ATRNL1: variants seen among roughly 807,000 people sequenced by gnomAD.
ATRNL1 encodes the protein attractin like 1.
ATRNL1 carries 95 observed loss-of-function variants against 182.7 expected under a neutral mutation model. The observed-to-expected ratio is 0.52, with a 90% CI of 0.44 to 0.62. The LOEUF is 0.62. ATRNL1 is among the 20% of genes least tolerant of loss of function. The pLI, the probability that ATRNL1 is intolerant of heterozygous loss-of-function variation, is 0.00. For synonymous variants in ATRNL1, 576 were observed against 568.3 expected (o/e 1.01, Z -0.19); for missense variants, 1,471 against 1,679.5 (o/e 0.88, Z 2.17).
chr10:115,561,682 T>TGTGTGTGTGG (rs1554999680), intron 26 of ATRNL1, among the ~76,000 whole-genome samples: 4 of 53,048 alleles, frequency 7.5e-5, no homozygotes, highest in Non-Finnish European at 1.6e-4. Context: ...TGTGTGTGTG[T>TGTGTGTGTGG]GTGTGTGGGT....
At chr10:115,819,571 CTTTT>C (rs1479941393) in intron 27 of ATRNL1, among the ~76,000 whole-genome samples, 1 of 152,054 alleles carries the variant, frequency 6.6e-6, no homozygotes, top group African/African-American at 2.4e-5. Flanking sequence ...AAATCCATCC[CTTTT>C]TTATTATCAT....
Position 115,292,249 on chromosome 10 carries a change from T to C in ATRNL1, c.2415+5852T>C, listed in dbSNP as rs1323223852. On this transcript the variant is annotated intron_variant, in intron 15 of 28. Coordinates refer to ENST00000355044, the MANE Select transcript of ATRNL1 (RefSeq NM_207303.4). ...ATTTATCTGGGTCCTCTCTCTTTCT[T>C]GTTTGGTCTAGCAAATGGTTTATCA... is the stretch of plus-strand genomic sequence containing the variant. Among the ~76,000 whole-genome samples the C allele has an allele frequency of 3.9e-5, 6 of 151,992 alleles. No homozygotes were observed. The South Asian group carries it at 1.0e-3, about 26-fold the overall frequency.
chr10:115,430,749 G>T (rs143878047), intron 21 of ATRNL1, among the ~76,000 whole-genome samples: 3 of 152,062 alleles, frequency 2.0e-5, no homozygotes, highest in East Asian at 3.9e-4. Flanking sequence ...AGGTATTTTT[G>T]CCCTTTATGA....
chr10:115,179,026 A>G (rs781837802), intron 8 of ATRNL1, among the ~76,000 whole-genome samples: 1 of 152,144 alleles, frequency 6.6e-6, no homozygotes, highest in Non-Finnish European at 1.5e-5. Context: ...CATATATTAA[A>G]TGCTTGATAA....
chr10:115,456,133 G>A (rs782009175), intron 21 of ATRNL1, among the ~76,000 whole-genome samples: 1 of 152,140 alleles, frequency 6.6e-6, no homozygotes. Flanking sequence ...TCCCATTACT[G>A]GGTATATAAC....
chr10:115,611,484 G>T (rs575188983), intron 26 of ATRNL1, among the ~76,000 whole-genome samples: 1 of 151,910 alleles, frequency 6.6e-6, no homozygotes, highest in Non-Finnish European at 1.5e-5. Flanking sequence ...AATTCAGTAG[G>T]TTTAGCATAA....
intron 28 of ATRNL1, among the ~76,000 whole-genome samples, chr10:115,898,508 T>C (rs1952265096): frequency 6.6e-6 from 1 of 152,174 alleles, no homozygotes; most frequent in African/African-American, 2.4e-5. Flanking sequence ...ACTGTGTGCC[T>C]GGCAGTGCTG....
chr10:115,233,790 G>A (rs1230447931), intron 9 of ATRNL1, among the ~76,000 whole-genome samples: 1 of 152,030 alleles, frequency 6.6e-6, no homozygotes, highest in Non-Finnish European at 1.5e-5. Flanking sequence ...ATAATTTAAT[G>A]TGGAATATTA....
At chr10:115,116,412 A>G (rs1844487152) in intron 1 of ATRNL1, among the ~76,000 whole-genome samples, 2 of 152,110 alleles carry the variant, frequency 1.3e-5, no homozygotes, top group African/African-American at 2.4e-5. Context: ...GCACTACACA[A>G]TTGGAATGTA....
At chr10:115,132,671 C>T (rs1193065658) in intron 5 of ATRNL1, among the ~76,000 whole-genome samples, 2 of 152,122 alleles carry the variant, frequency 1.3e-5, no homozygotes, top group African/African-American at 4.8e-5. Context: ...TTGCATTTCT[C>T]TGATGGCCAG....
At chr10:115,385,243 T>A (rs1858268670) in intron 19 of ATRNL1, among the ~76,000 whole-genome samples, 1 of 152,146 alleles carries the variant, frequency 6.6e-6, no homozygotes. Context: ...TTTTAGCCAT[T>A]ATAGTATGTG....
chr10:115,222,528 C>T (rs566076282), intron 9 of ATRNL1, among the ~76,000 whole-genome samples: 6 of 152,046 alleles, frequency 3.9e-5, no homozygotes, highest in Non-Finnish European at 8.8e-5. Flanking sequence ...TGCTGAAAAC[C>T]AAAACATGAA....
chr10:115,677,852 A>T (rs1945916248), intron 26 of ATRNL1, among the ~76,000 whole-genome samples: 1 of 151,846 alleles, frequency 6.6e-6, no homozygotes, highest in African/African-American at 2.4e-5. Flanking sequence ...AGAGCTCCAA[A>T]GGGTATCAGT....
intron 8 of ATRNL1, among the ~76,000 whole-genome samples, chr10:115,202,074 T>C (rs1230493873): frequency 6.6e-6 from 1 of 152,108 alleles, no homozygotes; most frequent in African/African-American, 2.4e-5. Flanking sequence ...TTTTTGTACA[T>C]TGATTTTGTA....
intron 17 of ATRNL1, among the ~76,000 whole-genome samples, chr10:115,303,513 G>A (rs1405426161): frequency 1.3e-5 from 2 of 152,100 alleles, no homozygotes; most frequent in African/African-American, 2.4e-5. Flanking sequence ...GAGCCACCGC[G>A]CCCGGCCGGT....
intron 7 of ATRNL1, among the ~76,000 whole-genome samples, chr10:115,169,014 GTTC>G (rs1397012355): frequency 7.6e-6 from 1 of 132,210 alleles, no homozygotes; most frequent in Non-Finnish European, 1.6e-5. Flanking sequence ...AAGGGTGCAA[GTTC>G]TTTTTTTTTT....
At chr10:115,423,203 A>C (rs964858398) in intron 20 of ATRNL1, among the ~76,000 whole-genome samples, 2 of 152,160 alleles carry the variant, frequency 1.3e-5, no homozygotes, top group Non-Finnish European at 2.9e-5. Flanking sequence ...TATGTACCCC[A>C]TAAATAAGCA....
At chr10:115,244,507 A>G (rs1479482874) in intron 10 of ATRNL1, among the ~76,000 whole-genome samples, 3 of 151,056 alleles carry the variant, frequency 2.0e-5, no homozygotes, top group Non-Finnish European at 4.5e-5. Flanking sequence ...TATGTTTTTT[A>G]AAAGTGACTA....
chr10:115,330,394 T>C (rs969554533), intron 18 of ATRNL1, among the ~76,000 whole-genome samples: 9 of 152,296 alleles, frequency 5.9e-5, no homozygotes, highest in Admixed American at 2.0e-4. Context: ...GAACTTTTTT[T>C]GTTACACATT....
Sources: allele counts gnomAD v4.1 joint callset (sites outside exome capture counted in the v4.1 genomes callset), GRCh38; gene constraint gnomAD v4.1.1; transcripts MANE v1.5; gene names NCBI Gene and HGNC (gene_info 2026-07-23, HGNC 2026-07-21).